PRKN: variants seen among roughly 807,000 people sequenced by gnomAD.
The protein encoded by PRKN is E3 ubiquitin-protein ligase parkin.
PRKN carries 56 observed loss-of-function variants against 59.5 expected under a neutral mutation model. That is an observed-to-expected ratio of 0.94 (90% CI 0.76 to 1.18). The LOEUF (loss-of-function observed/expected upper bound fraction) is 1.18. Ranked by LOEUF, PRKN falls within the 50% of genes most tolerant of loss-of-function variation. The probability of loss-of-function intolerance (pLI) is 0.00; values close to 1 mark genes in which losing one functional copy is unlikely to be tolerated. For synonymous variants in PRKN, 250 were observed against 222.1 expected (o/e 1.13, Z -1.12); for missense variants, 657 against 596.4 (o/e 1.10, Z -1.06).
In PRKN at chr6:162,054,019, A is replaced by G. The variant is rs112448533; in HGVS notation, c.618+72T>C. The stretch of plus-strand genomic sequence containing the variant: ...AACAGTCAGTTGACATTTTGTCTCT[A>G]ATTTCCTGGCAAACAGTGAAGATGT... On this transcript the variant is annotated intron_variant, in intron 5 of 11. Coordinates refer to ENST00000366898, the MANE Select transcript of PRKN (RefSeq NM_004562.3). The G allele has an allele frequency of 5.0e-4, 503 of 998,248 alleles. 2 individuals are homozygous for G. The Middle Eastern group carries it at 6.8e-3, about 13-fold the overall frequency. The allele number at this position is 998,248 out of a possible 1,614,324, so 61.8% of individuals were successfully genotyped here. A position where few individuals can be genotyped will look rare whatever the true frequency, so the allele number is the denominator to read the frequency against.
At chr6:162,581,213 T>A (rs761444130) in intron 1 of PRKN, among the ~76,000 whole-genome samples, 1 of 152,290 alleles carries the variant, frequency 6.6e-6, no homozygotes, top group Non-Finnish European at 1.5e-5. Context: ...GGAGGTTAAG[T>A]GAAGGTCAAA....
intron 7 of PRKN, among the ~76,000 whole-genome samples, chr6:161,712,541 G>C (rs998128469): frequency 2.6e-5 from 4 of 152,068 alleles, no homozygotes; most frequent in Non-Finnish European, 5.9e-5. Flanking sequence ...GATTTCTCTA[G>C]GAGTCTCATT....
Position 162,284,503 on chromosome 6 carries a change from C to T in PRKN, c.172-21738G>A, listed in dbSNP as rs113934945. ...TCTCCCAAAGTGCTGGGATTACAGG[C>T]GTGAGCCACCGCACCCGGCCATATT... On this transcript the variant is annotated intron_variant, in intron 2 of 11. Coordinates refer to ENST00000366898, the MANE Select transcript of PRKN (RefSeq NM_004562.3). 4.7e-3 allele frequency among the ~76,000 whole-genome samples: 714 copies of T among 152,150 alleles called. 12 individuals carry two copies. The highest frequency in any genetic ancestry group is 0.015 in the African/African-American group (637 of 41,552).
chr6:161,669,516 T>C (rs996926129), intron 7 of PRKN, among the ~76,000 whole-genome samples: 1 of 152,250 alleles, frequency 6.6e-6, no homozygotes, highest in African/African-American at 2.4e-5. Flanking sequence ...CAGCATTGTA[T>C]GTTTCCGATG....
chr6:162,696,958 CAATAT>C (rs1562505152), intron 1 of PRKN, among the ~76,000 whole-genome samples: 1 of 152,140 alleles, frequency 6.6e-6, no homozygotes, highest in Non-Finnish European at 1.5e-5. Flanking sequence ...AAGCATACTA[CAATAT>C]AATTAACATA....
chr6:161,443,541 C>T (rs955310435), intron 9 of PRKN, among the ~76,000 whole-genome samples: 4 of 152,096 alleles, frequency 2.6e-5, no homozygotes, highest in Non-Finnish European at 4.4e-5. Flanking sequence ...GACTTTGTAA[C>T]ATTGTAAGGA....
intron 6 of PRKN, among the ~76,000 whole-genome samples, chr6:161,965,149 T>A (rs1780529517): frequency 6.6e-6 from 1 of 152,094 alleles, no homozygotes; most frequent in Non-Finnish European, 1.5e-5. Context: ...TTGAGATAAA[T>A]CTTTGCTAAT....
At chr6:162,611,978 G>A (rs1272842163) in intron 1 of PRKN, among the ~76,000 whole-genome samples, 1 of 151,394 alleles carries the variant, frequency 6.6e-6, no homozygotes, top group Non-Finnish European at 1.5e-5. Context: ...AAGGTCAGGA[G>A]ATCGAGACCA....
chr6:162,659,608 T>C (rs887457897), intron 1 of PRKN, among the ~76,000 whole-genome samples: 1 of 152,144 alleles, frequency 6.6e-6, no homozygotes, highest in Non-Finnish European at 1.5e-5. Flanking sequence ...GCAATTTTCC[T>C]TTAAAATAAA....
At chr6:162,478,127 T>C (rs549202771) in intron 1 of PRKN, among the ~76,000 whole-genome samples, 1 of 152,284 alleles carries the variant, frequency 6.6e-6, no homozygotes, top group Admixed American at 6.5e-5. Flanking sequence ...CATTCACATG[T>C]ATTTGTTTAA....
intron 9 of PRKN, among the ~76,000 whole-genome samples, chr6:161,486,956 CAT>C (rs1370871536): frequency 5.3e-5 from 8 of 152,088 alleles, no homozygotes; most frequent in African/African-American, 9.7e-5. Flanking sequence ...AAGGAGAGCT[CAT>C]ATTAGTAACA....
intron 7 of PRKN, among the ~76,000 whole-genome samples, chr6:161,777,714 T>G (rs1789990857): frequency 6.9e-6 from 1 of 144,528 alleles, no homozygotes; most frequent in Non-Finnish European, 1.5e-5. Flanking sequence ...TAAGAGATAT[T>G]TTATATACAT....
chr6:161,557,365 T>A (rs1358699942), intron 8 of PRKN, among the ~76,000 whole-genome samples: 1 of 152,156 alleles, frequency 6.6e-6, no homozygotes, highest in Admixed American at 6.6e-5. Context: ...GAAATAGATA[T>A]TGTATTCTGT....
At chr6:162,197,211 C>T (rs995184260) in intron 4 of PRKN, among the ~76,000 whole-genome samples, 13 of 152,178 alleles carry the variant, frequency 8.5e-5, no homozygotes, top group Non-Finnish European at 1.9e-4. Flanking sequence ...AATCTTTACA[C>T]TTGGCAAAGT....
intron 7 of PRKN, among the ~76,000 whole-genome samples, chr6:161,677,408 G>A (rs999062381): frequency 7.2e-5 from 11 of 152,146 alleles, no homozygotes; most frequent in African/African-American, 1.4e-4. Context: ...ATAGAAATGC[G>A]GACTCTGATG....
intron 6 of PRKN, among the ~76,000 whole-genome samples, chr6:161,895,019 T>C (rs1247423369): frequency 6.6e-6 from 1 of 152,230 alleles, no homozygotes; most frequent in Non-Finnish European, 1.5e-5. Context: ...CAATATTTTA[T>C]AGACCGCTTA....
chr6:162,689,014 A>G (rs1224216516), intron 1 of PRKN, among the ~76,000 whole-genome samples: 1 of 152,158 alleles, frequency 6.6e-6, no homozygotes, highest in Non-Finnish European at 1.5e-5. Flanking sequence ...TCCTTCTGAG[A>G]TTCTAAAAAA....
intron 1 of PRKN, among the ~76,000 whole-genome samples, chr6:162,629,414 C>T (rs1365325902): frequency 6.6e-6 from 1 of 152,002 alleles, no homozygotes; most frequent in Non-Finnish European, 1.5e-5. Flanking sequence ...ATGTTTTCCC[C>T]AAAGATTTTA....
rs1168657263 is a variant in PRKN, at chr6:161,548,632, A to C, written c.1083+222T>G. ...AAGTAAATACTTCCATAAGCAACCA[A>C]AGCAGAAAATCTTCATATAACTGTT... is the stretch of plus-strand genomic sequence containing the variant. On this transcript the variant is annotated intron_variant, in intron 9 of 11. Coordinates refer to ENST00000366898, the MANE Select transcript of PRKN (RefSeq NM_004562.3). The surrounding 1 kb of genome is among the most constrained non-coding windows in gnomAD (Gnocchi z 4.2). 10 of 553,546 alleles carry C rather than the reference A, an allele frequency of 1.8e-5. No individual in the cohort carries two copies. Among genetic ancestry groups the C allele is most frequent in the Middle Eastern group, 4.7e-4 (1 of 2,128 alleles). The allele number at this position is 553,546 out of a possible 1,614,324, so 34.3% of individuals were successfully genotyped here.
Sources: gnomAD v4.1 joint callset for allele counts (sites outside exome capture counted in the v4.1 genomes callset) on GRCh38, gnomAD v4.1.1 for gene constraint, Gnocchi (gnomAD v3.1) non-coding constraint, MANE v1.5 for transcripts, NCBI Gene and HGNC (gene_info 2026-07-23, HGNC 2026-07-21) for gene names.